Variants in PTCD3 observed in about 807,000 individuals in gnomAD.
PTCD3 encodes pentatricopeptide repeat domain 3.
PTCD3 carries 89 observed loss-of-function variants against 101.9 expected under a neutral mutation model. The observed-to-expected ratio is 0.87, with a 90% CI of 0.74 to 1.04. The LOEUF is 1.04. Among genes scored for constraint, PTCD3 ranks in the 50% least tolerant of loss-of-function variants. PTCD3 has a pLI of 0.00. For missense variants in PTCD3, 870 were observed against 828.2 expected (o/e 1.05, Z -0.62); for synonymous variants, 296 against 278.5 (o/e 1.06, Z -0.63).
At chr2:86,136,407 C>T in intron 21 of PTCD3, 114 bp from the exon 22 acceptor site, 1 of 1,011,248 alleles carries the variant, frequency 9.9e-7, no homozygotes. Context: ...TGGGAGCTTA[C>T]AGTATAGTTA....
chr2:86,128,997 A>G (rs1333112366), intron 14 of PTCD3, among the ~76,000 whole-genome samples: 1 of 152,236 alleles, frequency 6.6e-6, no homozygotes, highest in Non-Finnish European at 1.5e-5. Flanking sequence ...TGGATAGACT[A>G]TAAAAATTAC....
intron 21 of PTCD3, chr2:86,135,986 T>A: frequency 1.9e-6 from 1 of 519,218 alleles, no homozygotes; most frequent in Non-Finnish European, 3.8e-6. Flanking sequence ...TACATGAGAC[T>A]GTTGCCTCAA....
At chr2:86,136,742 C>G in intron 22 of PTCD3, 180 bp downstream of exon 22, 1 of 799,366 alleles carries the variant, frequency 1.3e-6, no homozygotes, top group Non-Finnish European at 2.1e-6. Flanking sequence ...GACGGATCAT[C>G]ATACATTGGG....
chr2:86,116,735 ACTTT>A, intron 5 of PTCD3, 137 bp downstream of exon 5: 3 of 696,302 alleles, frequency 4.3e-6, no homozygotes, highest in Non-Finnish European at 7.3e-6. Context: ...ATCCTTTACT[ACTTT>A]CTTCAAAAAG....
At chr2:86,119,225 T>A (rs1674237138) in intron 7 of PTCD3, 181 bp downstream of exon 7, 14 of 775,414 alleles carry the variant, frequency 1.8e-5, no homozygotes, top group Admixed American at 3.4e-5. Flanking sequence ...ACTTAAGAAT[T>A]ACAGGCGAAG....
chr2:86,125,648 A>G (rs2104456385), intron 11 of PTCD3, 133 bp downstream of exon 11: 1 of 1,127,478 alleles, frequency 8.9e-7, no homozygotes, highest in Non-Finnish European at 1.3e-6. Flanking sequence ...TTGAAGCAAG[A>G]GTAGAGATCC....
rs1674587406 is a variant in PTCD3 at position 86,136,527 on chromosome 2, G to A, written c.1785G>A (p.Met595Ile). 4 of 1,611,384 alleles carry A rather than the reference G, an allele frequency of 2.5e-6. No individual in the cohort carries two copies. Among genetic ancestry groups the A allele is most frequent in the South Asian group, 2.2e-5 (2 of 91,040 alleles). Reference sequence around the variant, plus strand: ...TTTTTCCTTTCTTGAGCAGGAAAATGTTGGGGCTTTTCAGGAAGCATAATA... The same window carrying A: ...TTTTTCCTTTCTTGAGCAGGAAAATATTGGGGCTTTTCAGGAAGCATAATA... ...RAGRTQEAWKMLGLFRKHNKI... is the reference protein window; with the variant it reads ...RAGRTQEAWKILGLFRKHNKI... Residue 595 changes from methionine (M) to isoleucine (I), a missense_variant, in exon 22 of 24, where the codon ATG (methionine) becomes ATA (isoleucine). Coordinates refer to ENST00000254630, the MANE Select transcript of PTCD3 (RefSeq NM_017952.6).
intron 4 of PTCD3, among the ~76,000 whole-genome samples, chr2:86,114,440 C>G (rs1159911356): frequency 1.3e-5 from 2 of 152,098 alleles, no homozygotes; most frequent in Admixed American, 1.3e-4. Flanking sequence ...GGCGCCCCCA[C>G]CCCCACGCCC....
intron 7 of PTCD3, among the ~76,000 whole-genome samples, chr2:86,121,240 C>T (rs923819770): frequency 2.6e-5 from 4 of 151,964 alleles, no homozygotes; most frequent in Middle Eastern, 3.2e-3. Context: ...GAGCACAGGC[C>T]CAAACTTCAT....
In PTCD3 at chr2:86,111,177, T is replaced by G; in HGVS notation, c.240+19T>G. ...AAACAGGGTAAGTAGGATTTTGTGT[T>G]TTTTTTTAACCTAAAACTTGGCTAA... is the stretch of plus-strand genomic sequence containing the variant. On this transcript the variant is annotated intron_variant, in intron 4 of 23. Transcript: ENST00000254630. The G allele has an allele frequency of 6.2e-7, 1 of 1,607,194 alleles. No homozygotes were observed. The highest frequency in any genetic ancestry group is 8.5e-7 in the Non-Finnish European group (1 of 1,174,268).
chr2:86,108,117 C>A (rs1448690755), intron 1 of PTCD3, among the ~76,000 whole-genome samples: 1 of 150,194 alleles, frequency 6.7e-6, no homozygotes, highest in African/African-American at 2.5e-5. Context: ...TGGAGCAAGA[C>A]CCTGTCTCTA....
rs975611458 is a variant in PTCD3, at chr2:86,106,880, A to AT, written c.104+538dup. On this transcript the variant is annotated intron_variant, in intron 1 of 23. Coordinates refer to ENST00000254630, the MANE Select transcript of PTCD3 (RefSeq NM_017952.6). ...GGAACATGTATGACCTATCTGTGTA[A>AT]TTTTTTTTTCACTCAGTACAAACAG... Among the ~76,000 whole-genome samples the AT allele has an allele frequency of 3.1e-4, 47 of 151,694 alleles. 1 individual carries two copies. Among genetic ancestry groups the AT allele is most frequent in the South Asian group, 1.0e-3 (5 of 4,778 alleles).
At chr2:86,124,273 A>G (rs936819562) in intron 9 of PTCD3, among the ~76,000 whole-genome samples, 43 of 152,324 alleles carry the variant, frequency 2.8e-4, no homozygotes, top group African/African-American at 9.1e-4. Flanking sequence ...AGGGAAAGCT[A>G]CCATGATTAT....
At chr2:86,114,425 C>A (rs906633022) in intron 4 of PTCD3, among the ~76,000 whole-genome samples, 1 of 152,064 alleles carries the variant, frequency 6.6e-6, no homozygotes, top group Non-Finnish European at 1.5e-5. Context: ...GTAGCTGGGA[C>A]TACAGGCGCC....
chr2:86,127,461 T>C, intron 13 of PTCD3, 156 bp downstream of exon 13: 1 of 811,648 alleles, frequency 1.2e-6, no homozygotes, highest in Non-Finnish European at 1.9e-6. Flanking sequence ...ATGTACTTAT[T>C]ATAGTGGGAG....
intron 15 of PTCD3, 147 bp from the exon 16 acceptor site, chr2:86,130,931 G>A: frequency 7.2e-7 from 1 of 1,398,382 alleles, no homozygotes; most frequent in Admixed American, 2.8e-5. Context: ...CAAAATTGTG[G>A]TACATTCCTG....
At chr2:86,133,570 C>A in intron 19 of PTCD3, 134 bp downstream of exon 19, 1 of 901,534 alleles carries the variant, frequency 1.1e-6, no homozygotes, top group Non-Finnish European at 1.7e-6. Context: ...TTGAGATGTA[C>A]TTCAAGGTCA....
chr2:86,125,934 G>T, intron 12 of PTCD3, 54 bp downstream of exon 12: 1 of 1,290,152 alleles, frequency 7.8e-7, no homozygotes, highest in Non-Finnish European at 1.1e-6. Context: ...CTCTTTACCA[G>T]AAATACATGG....
At chr2:86,130,147 A>G (rs558965354) in intron 14 of PTCD3, among the ~76,000 whole-genome samples, 1 of 152,258 alleles carries the variant, frequency 6.6e-6, no homozygotes, top group South Asian at 2.1e-4. Context: ...TAAAAATACA[A>G]AAAATTAGCC....
Sources: gnomAD v4.1 joint callset for allele counts (sites outside exome capture counted in the v4.1 genomes callset) on GRCh38, gnomAD v4.1.1 for gene constraint, MANE v1.5 for transcripts, NCBI Gene and HGNC (gene_info 2026-07-23, HGNC 2026-07-21) for gene names.